Variants in CYP46A1 observed in about 807,000 individuals in gnomAD.
CYP46A1 encodes the protein cytochrome P450 family 46 subfamily A member 1.
CYP46A1 carries 20 observed loss-of-function variants against 63.3 expected under a neutral mutation model. That is an observed-to-expected ratio of 0.32 (90% CI 0.22 to 0.46). The LOEUF is 0.46. Among genes scored for constraint, CYP46A1 ranks in the 20% least tolerant of loss-of-function variants. The pLI, the probability that CYP46A1 is intolerant of heterozygous loss-of-function variation, is 1.00. For synonymous variants in CYP46A1, 268 were observed against 273.6 expected (o/e 0.98, Z 0.20); for missense variants, 445 against 670.8 (o/e 0.66, Z 3.72).
chr14:99,708,161 C>A (rs1172601852), intron 7 of CYP46A1: 2 of 236,752 alleles, frequency 8.4e-6, no homozygotes, highest in Non-Finnish European at 8.4e-6. Context: ...TGCCAGCACC[C>A]GTGCGCATCA....
chr14:99,706,662 A>C lies in CYP46A1; in HGVS notation c.459A>C (p.Leu153Phe), dbSNP rs1322396946. The part of the protein sequence containing the change: ...LAFSRSSLVS[L>F]METFNEKAEQ... ...GTTTCTCCAGCTCCTTGGTTAGCTT[A>C]ATGGAAACATTCAACGAGAAGGCTG... is the stretch of plus-strand genomic sequence containing the variant. The change falls in exon 6 of 15, where the codon TTA (leucine) becomes TTC (phenylalanine). Residue 153 changes from leucine to phenylalanine, a missense_variant. Transcript: ENST00000261835. 2.5e-6 allele frequency: 4 copies of C among 1,613,782 alleles called. No homozygotes were observed. Among genetic ancestry groups the C allele is most frequent in the Non-Finnish European group, 3.4e-6 (4 of 1,180,000 alleles).
rs759910002 is a variant in CYP46A1, at chr14:99,726,684, G to A, written c.1460G>A (p.Arg487Gln). 1.2e-5 allele frequency: 18 copies of A among 1,548,814 alleles called. No homozygotes were observed. The highest frequency in any genetic ancestry group is 7.8e-5 in the Admixed American group (4 of 51,128). ...KPLDPVLCTLRPRGWQPAPPP... is the reference protein window; with the variant it reads ...KPLDPVLCTLQPRGWQPAPPP... Reference sequence around the variant, plus strand: ...CTGGACCCCGTGCTGTGCACCCTGCGGCCCCGCGGCTGGCAGCCCGCACCC... The same window carrying A: ...CTGGACCCCGTGCTGTGCACCCTGCAGCCCCGCGGCTGGCAGCCCGCACCC... The change falls in exon 15 of 15, where the codon CGG becomes CAG. Residue 487 changes from arginine (R) to glutamine (Q), a missense_variant. Arg to Gln is a conservative substitution (Grantham distance 43, BLOSUM62 1). Coordinates refer to ENST00000261835, the MANE Select transcript of CYP46A1 (RefSeq NM_006668.2).
rs759570321 is a variant in CYP46A1, at chr14:99,722,091, G to C, written c.1176+25G>C. 6 of 1,573,808 alleles carry C rather than the reference G, an allele frequency of 3.8e-6. No homozygotes were observed. The Admixed American group carries it at 8.4e-5, about 22-fold the overall frequency. ...GGTGGGTGGAGGCCCTGGGGGTCCT[G>C]GGGTGGGCTGGGCTGCTTGCCCCAA... On this transcript the variant is annotated intron_variant, in intron 12 of 14. Coordinates refer to ENST00000261835, the MANE Select transcript of CYP46A1 (RefSeq NM_006668.2). The surrounding 1 kb of genome is among the most constrained non-coding windows in gnomAD (Gnocchi z 4.6).
In CYP46A1 at chr14:99,726,899, C is replaced by T. The variant is rs894587584; in HGVS notation, c.*172C>T. ...CTTCACACCCCTCAGCGCTCCCTGT[C>T]GCCTGCGGACTCCATGGCCCTTCCT... On this transcript the variant is annotated 3_prime_UTR_variant, in exon 15 of 15. Coordinates refer to ENST00000261835, the MANE Select transcript of CYP46A1 (RefSeq NM_006668.2). 1.6e-5 allele frequency: 8 copies of T among 508,772 alleles called. No individual in the cohort carries two copies. The highest frequency in any genetic ancestry group is 7.3e-5 in the Admixed American group (2 of 27,256). The allele number at this position is 508,772 out of a possible 1,614,324, so 31.5% of individuals were successfully genotyped here.
chr14:99,717,263 G>A (rs1001104683), intron 9 of CYP46A1, among the ~76,000 whole-genome samples: 31 of 152,124 alleles, frequency 2.0e-4, no homozygotes, highest in Non-Finnish European at 2.5e-4. Flanking sequence ...ATCCCGTCTC[G>A]TCCCTCCAGT....
chr14:99,690,726 G>A (rs2056536027), intron 1 of CYP46A1, among the ~76,000 whole-genome samples: 1 of 152,178 alleles, frequency 6.6e-6, no homozygotes, highest in Non-Finnish European at 1.5e-5. Context: ...ATGTGGGGAG[G>A]TTGGAGGGGT....
intron 7 of CYP46A1, chr14:99,713,575 A>G (rs980108795): frequency 6.6e-6 from 1 of 152,058 alleles, no homozygotes; most frequent in East Asian, 1.9e-4. Context: ...TACAGGCAAC[A>G]ACAACGAAAA....
In CYP46A1 at chr14:99,725,901, G is replaced by C. The variant is rs1028298269; in HGVS notation, c.1266-289G>C. Among the ~76,000 whole-genome samples the C allele has an allele frequency of 6.6e-6, 1 of 152,204 alleles. No individual in the cohort carries two copies. The highest frequency in any genetic ancestry group is 1.5e-5 in the Non-Finnish European group (1 of 68,028). On this transcript the variant is annotated intron_variant, in intron 13 of 14. Coordinates refer to ENST00000261835, the MANE Select transcript of CYP46A1 (RefSeq NM_006668.2). This position sits in a 1 kb window ranked among gnomAD's most constrained non-coding sequence, Gnocchi z 4.2. The stretch of plus-strand genomic sequence containing the variant: ...CAGATCCAGGCTCTGCCCAGAGCTG[G>C]ATGTAAATTTATGACCTGGAGTGAG...
intron 3 of CYP46A1, among the ~76,000 whole-genome samples, chr14:99,698,596 T>C (rs944991624): frequency 6.6e-6 from 1 of 152,164 alleles, no homozygotes; most frequent in African/African-American, 2.4e-5. Flanking sequence ...ACTTCTTATG[T>C]AGAATTGACA....
At chr14:99,720,360 C>T (rs999710126) in intron 10 of CYP46A1, among the ~76,000 whole-genome samples, 11 of 151,994 alleles carry the variant, frequency 7.2e-5, no homozygotes, top group African/African-American at 1.9e-4. Context: ...ACCAGCAGTG[C>T]GCAAGGGTTC....
chr14:99,711,127 C>T (rs1013264886), intron 7 of CYP46A1: 2 of 152,050 alleles, frequency 1.3e-5, no homozygotes, highest in African/African-American at 4.8e-5. Context: ...GGGAACACAA[C>T]ATACCAAAAC....
Position 99,725,253 on chromosome 14 carries a change from A to C in CYP46A1, c.1177-138A>C, listed in dbSNP as rs1245272159. On this transcript the variant is annotated intron_variant, in intron 12 of 14. Coordinates refer to ENST00000261835, the MANE Select transcript of CYP46A1 (RefSeq NM_006668.2). This position sits in a 1 kb window ranked among gnomAD's most constrained non-coding sequence, Gnocchi z 4.2. ...GGGCCAGTGCAATGGACACCAACCT[A>C]GATGAGGGGTGAAGACATGGGGGGA... 1.5e-6 allele frequency: 1 copy of C among 662,872 alleles called. No individual in the cohort carries two copies. The highest frequency in any genetic ancestry group is 1.8e-5 in the African/African-American group (1 of 55,518). 41.1% of individuals were successfully genotyped at this position (662,872 alleles called of 1,614,324 possible).
intron 1 of CYP46A1, among the ~76,000 whole-genome samples, chr14:99,685,098 AC>A (rs1357179681): frequency 1.9e-4 from 1 of 5,380 alleles, no homozygotes; most frequent in African/African-American, 8.2e-4. Context: ...ACCCCCCCCC[AC>A]CCCCAGCTTA....
intron 3 of CYP46A1, among the ~76,000 whole-genome samples, chr14:99,694,869 A>G (rs2056574229): frequency 6.6e-6 from 1 of 152,142 alleles, no homozygotes; most frequent in Non-Finnish European, 1.5e-5. Flanking sequence ...TCTGATTTTT[A>G]GGATGGAGTT....
At position 99,726,830 on chromosome 14, in the gene CYP46A1, C is replaced by T. The variant is rs1424175617; in HGVS notation, c.*103C>T. On this transcript the variant is annotated 3_prime_UTR_variant, in exon 15 of 15. Coordinates refer to ENST00000261835, the MANE Select transcript of CYP46A1 (RefSeq NM_006668.2). Reference sequence around the variant, plus strand: ...TTCTCCCCTGCCCCGTCCCCTGGGCCACCCTTCACGCTGGCTTCCAGCGGG... The same window carrying T: ...TTCTCCCCTGCCCCGTCCCCTGGGCTACCCTTCACGCTGGCTTCCAGCGGG... The T allele has an allele frequency of 2.0e-6, 2 of 990,720 alleles. No individual in the cohort carries two copies. The highest frequency in any genetic ancestry group is 2.9e-5 in the East Asian group (1 of 34,436). The allele number at this position is 990,720 out of a possible 1,614,324, so 61.4% of individuals were successfully genotyped here.
chr14:99,700,528 G>A (rs1293056082), intron 5 of CYP46A1, among the ~76,000 whole-genome samples: 2 of 152,206 alleles, frequency 1.3e-5, no homozygotes, highest in Non-Finnish European at 2.9e-5. Flanking sequence ...GGTCCCGTAA[G>A]ATTATAATGG....
intron 1 of CYP46A1, among the ~76,000 whole-genome samples, chr14:99,689,730 T>A (rs767823250): frequency 6.6e-6 from 1 of 152,210 alleles, no homozygotes; most frequent in Non-Finnish European, 1.5e-5. Flanking sequence ...CTTCTTATCA[T>A]TGCCTCCGCT....
chr14:99,726,302 G>A (rs374809700), intron 14 of CYP46A1, 46 bp downstream of exon 14: 3 of 1,589,238 alleles, frequency 1.9e-6, no homozygotes, highest in Non-Finnish European at 2.6e-6. Flanking sequence ...AGCTGCAGGG[G>A]TGGGGGCTCA....
chr14:99,715,986 G>A (rs1488847865), intron 8 of CYP46A1, 26 bp downstream of exon 8: 1 of 1,596,422 alleles, frequency 6.3e-7, no homozygotes, highest in African/African-American at 1.3e-5. Flanking sequence ...CTGCGGACTG[G>A]GGAGGGCGGG....
Sources: gnomAD v4.1 joint callset for allele counts (sites outside exome capture counted in the v4.1 genomes callset) on GRCh38, gnomAD v4.1.1 for gene constraint, Gnocchi (gnomAD v3.1) non-coding constraint, MANE v1.5 for transcripts, NCBI Gene and HGNC (gene_info 2026-07-23, HGNC 2026-07-21) for gene names.